Variants in NALF1 observed in about 807,000 individuals in gnomAD.
The protein encoded by NALF1 is family with sequence similarity 155 member A.
NALF1 carries 3 observed loss-of-function variants against 48.4 expected under a neutral mutation model. That is an observed-to-expected ratio of 0.06 (90% CI 0.03 to 0.16). The LOEUF (loss-of-function observed/expected upper bound fraction) is 0.16. NALF1 is among the 10% of genes least tolerant of loss of function. The pLI is 1.00. For missense variants in NALF1, 526 were observed against 571.5 expected, an observed-to-expected ratio of 0.92 and a Z score of 0.81; for synonymous variants, 262 against 245.7, an observed-to-expected ratio of 1.07 and a Z score of -0.62.
chr13:107,292,496 T>C (rs1594107286), intron 1 of NALF1, among the ~76,000 whole-genome samples: 1 of 152,242 alleles, frequency 6.6e-6, no homozygotes, highest in African/African-American at 2.4e-5. Flanking sequence ...TTTTTAATTT[T>C]TAAACTTTTT....
intron 1 of NALF1, among the ~76,000 whole-genome samples, chr13:107,432,245 G>C (rs1263346437): frequency 6.6e-6 from 1 of 152,078 alleles, no homozygotes; most frequent in Non-Finnish European, 1.5e-5. Context: ...CATCTCCAAA[G>C]GGCTGACACC....
intron 1 of NALF1, among the ~76,000 whole-genome samples, chr13:107,339,739 T>C (rs1882633459): frequency 6.6e-6 from 1 of 152,186 alleles, no homozygotes; most frequent in Non-Finnish European, 1.5e-5. Flanking sequence ...TGACAGGCCA[T>C]TTCTCCATTA....
At chr13:107,557,468 C>G (rs936104974) in intron 1 of NALF1, among the ~76,000 whole-genome samples, 4 of 152,064 alleles carry the variant, frequency 2.6e-5, no homozygotes, top group Non-Finnish European at 1.5e-5. Flanking sequence ...CAGGAGCAGT[C>G]CAGCAGTGTT....
intron 1 of NALF1, among the ~76,000 whole-genome samples, chr13:107,231,058 C>CAA (rs3072074): frequency 1.5e-3 from 122 of 83,426 alleles, no homozygotes; most frequent in Non-Finnish European, 1.9e-3. Context: ...AAGACCCGGC[C>CAA]AAAAAAAAAA....
intron 1 of NALF1, among the ~76,000 whole-genome samples, chr13:107,829,475 CT>C (rs1879641754): frequency 6.6e-6 from 1 of 151,954 alleles, no homozygotes; most frequent in Non-Finnish European, 1.5e-5. Context: ...ACTTTTGGAT[CT>C]CATGATTTTT....
intron 1 of NALF1, among the ~76,000 whole-genome samples, chr13:107,302,469 G>C (rs536947913): frequency 6.6e-5 from 10 of 152,060 alleles, no homozygotes; most frequent in African/African-American, 2.4e-4. Context: ...TTTGCTTGAA[G>C]AATTTGCTGA....
chr13:107,415,361 G>A (rs918245105), intron 1 of NALF1, among the ~76,000 whole-genome samples: 18 of 150,278 alleles, frequency 1.2e-4, no homozygotes, highest in African/African-American at 2.7e-4. Flanking sequence ...AGGACAAACC[G>A]AGGGCCATAA....
intron 1 of NALF1, among the ~76,000 whole-genome samples, chr13:107,624,719 C>T (rs183229977): frequency 2.0e-5 from 3 of 152,208 alleles, no homozygotes; most frequent in Admixed American, 1.3e-4. Context: ...TCCATAGCAA[C>T]GGCCTTTGCC....
chr13:107,240,586 A>G (rs181417854), intron 1 of NALF1, among the ~76,000 whole-genome samples: 1 of 152,318 alleles, frequency 6.6e-6, no homozygotes, highest in East Asian at 1.9e-4. Flanking sequence ...CATTCAGACT[A>G]CACCTTGGCT....
At chr13:107,253,449 C>T (rs1254205660) in intron 1 of NALF1, among the ~76,000 whole-genome samples, 1 of 152,128 alleles carries the variant, frequency 6.6e-6, no homozygotes, top group Non-Finnish European at 1.5e-5. Flanking sequence ...CCCTCACCCC[C>T]AGCAGAAGGC....
intron 1 of NALF1, among the ~76,000 whole-genome samples, chr13:107,597,281 C>T (rs1594150479): frequency 6.6e-6 from 1 of 152,286 alleles, no homozygotes; most frequent in Middle Eastern, 3.4e-3. Context: ...TACACACACA[C>T]ACAAATGTGT....
chr13:107,725,340 G>A (rs987550898), intron 1 of NALF1, among the ~76,000 whole-genome samples: 1 of 152,044 alleles, frequency 6.6e-6, no homozygotes, highest in South Asian at 2.1e-4. Context: ...TAATATCTAT[G>A]ATGTGCTGTG....
intron 1 of NALF1, among the ~76,000 whole-genome samples, chr13:107,510,173 C>G (rs1875839050): frequency 1.3e-5 from 2 of 152,118 alleles, no homozygotes; most frequent in South Asian, 4.1e-4. Flanking sequence ...AATTAAAGCT[C>G]AAATATGTTT....
intron 1 of NALF1, among the ~76,000 whole-genome samples, chr13:107,525,453 T>C (rs1005552817): frequency 2.0e-5 from 3 of 152,150 alleles, no homozygotes; most frequent in Non-Finnish European, 4.4e-5. Context: ...CAATATTTCA[T>C]TTCTTTTTAT....
At chr13:107,632,269 A>T (rs916543337) in intron 1 of NALF1, among the ~76,000 whole-genome samples, 1 of 151,952 alleles carries the variant, frequency 6.6e-6, no homozygotes, top group African/African-American at 2.4e-5. Context: ...ATACACACAT[A>T]TATTTGACTG....
intron 2 of NALF1, among the ~76,000 whole-genome samples, chr13:107,201,874 T>C (rs1252568865): frequency 6.6e-6 from 1 of 152,130 alleles, no homozygotes; most frequent in African/African-American, 2.4e-5. Context: ...TTAGTGAAGG[T>C]TGCCATGAGC....
intron 1 of NALF1, among the ~76,000 whole-genome samples, chr13:107,558,803 G>A (rs1354964115): frequency 6.6e-6 from 1 of 152,192 alleles, no homozygotes; most frequent in Non-Finnish European, 1.5e-5. Flanking sequence ...CAACATGTCT[G>A]TCGAGGTCCT....
intron 1 of NALF1, among the ~76,000 whole-genome samples, chr13:107,493,237 A>C (rs920408283): frequency 2.0e-5 from 3 of 152,322 alleles, no homozygotes; most frequent in African/African-American, 2.4e-5. Context: ...CAATGAATGA[A>C]ATGGAAAAGG....
intron 1 of NALF1, among the ~76,000 whole-genome samples, chr13:107,509,374 C>A (rs537976589): frequency 6.6e-6 from 1 of 152,086 alleles, no homozygotes; most frequent in Non-Finnish European, 1.5e-5. Flanking sequence ...TTAATAACTA[C>A]GAAACCGTTG....
Sources: allele counts gnomAD v4.1 joint callset (sites outside exome capture counted in the v4.1 genomes callset), GRCh38; gene constraint gnomAD v4.1.1; transcripts MANE v1.5; gene names NCBI Gene and HGNC (gene_info 2026-07-23, HGNC 2026-07-21).